Variants in MKLN1 observed in about 807,000 individuals in gnomAD.
MKLN1 encodes the protein muskelin.
Under a neutral mutation model 99.0 loss-of-function variants are expected in MKLN1, and 18 were observed. The observed-to-expected ratio is 0.18, with a 90% CI of 0.13 to 0.27. The LOEUF is 0.27. Ranked by LOEUF, MKLN1 falls within the 10% of genes least tolerant of loss-of-function variation. The probability of loss-of-function intolerance (pLI) is 1.00; values close to 1 mark genes in which losing one functional copy is unlikely to be tolerated. For missense variants in MKLN1, 621 were observed against 875.9 expected (o/e 0.71, Z 3.67); for synonymous variants, 288 against 293.2 (o/e 0.98, Z 0.18).
chr7:131,403,824 T>C (rs1237178653), intron 6 of MKLN1, among the ~76,000 whole-genome samples: 1 of 152,112 alleles, frequency 6.6e-6, no homozygotes, highest in Non-Finnish European at 1.5e-5. Context: ...CTGTAACAGA[T>C]ATGACAGTAA....
chr7:131,318,787 C>T (rs1798717537), intron 3 of MKLN1, among the ~76,000 whole-genome samples: 1 of 152,258 alleles, frequency 6.6e-6, no homozygotes, highest in African/African-American at 2.4e-5. Context: ...CACAGAAATA[C>T]AAACTACCAT....
chr7:131,190,487 A>G (rs546492422), intron 2 of MKLN1, among the ~76,000 whole-genome samples: 1 of 151,960 alleles, frequency 6.6e-6, no homozygotes, highest in South Asian at 2.1e-4. Context: ...TAAAGAGCCC[A>G]GTAGCTGGGA....
In MKLN1 at chr7:131,489,713, T is replaced by TG. The variant is rs1291088680; in HGVS notation, c.*1985_*1986insG. 6.6e-6 allele frequency: 1 copy of TG among 152,126 alleles called. No individual in the cohort carries two copies. The highest frequency in any genetic ancestry group is 1.5e-5 in the Non-Finnish European group (1 of 68,002). 9.4% of individuals were successfully genotyped at this position (152,126 alleles called of 1,614,324 possible). On this transcript the variant is annotated 3_prime_UTR_variant, in exon 18 of 18. Coordinates refer to ENST00000352689, the MANE Select transcript of MKLN1 (RefSeq NM_013255.5). ...CATTTATTTTTACAGTGCTTTGTAA[T>TG]TTTTTTCATCAGTTCCTTAAATGTT...
chr7:131,266,173 CAAAAAA>C (rs35332093), intron 3 of MKLN1, among the ~76,000 whole-genome samples: 8 of 86,572 alleles, frequency 9.2e-5, no homozygotes, highest in Admixed American at 4.5e-4. Context: ...GACTGCATCT[CAAAAAA>C]AAAAAAAAAA....
At chr7:131,180,256 C>A (rs992798343) in intron 2 of MKLN1, among the ~76,000 whole-genome samples, 2 of 152,176 alleles carry the variant, frequency 1.3e-5, no homozygotes, top group Non-Finnish European at 1.5e-5. Flanking sequence ...CCAAATTATA[C>A]CTTCCCCTTC....
rs150632750 is a variant in MKLN1, at chr7:131,356,464, A to G, written c.99-18960A>G. Among the ~76,000 whole-genome samples, 648 of 152,116 alleles carry G rather than the reference A, an allele frequency of 4.3e-3. 1 individual carries two copies. The highest frequency in any genetic ancestry group is 7.0e-3 in the Non-Finnish European group (473 of 67,984). Reference sequence around the variant, plus strand: ...TCCCCCCCCAAGAGTCCAAGACCCCAAATCTTTGGGGTTAAATGGACGAAG... The same window carrying G: ...TCCCCCCCCAAGAGTCCAAGACCCCGAATCTTTGGGGTTAAATGGACGAAG... On this transcript the variant is annotated intron_variant, in intron 1 of 17. Transcript: ENST00000352689.
chr7:131,336,626 A>AC (rs1563299093), intron 1 of MKLN1, among the ~76,000 whole-genome samples: 1 of 152,120 alleles, frequency 6.6e-6, no homozygotes, highest in African/African-American at 2.4e-5. Flanking sequence ...ACGCTAGATC[A>AC]CCACAAGCTT....
intron 2 of MKLN1, among the ~76,000 whole-genome samples, chr7:131,179,892 A>T (rs947849671): frequency 2.0e-5 from 3 of 151,246 alleles, no homozygotes; most frequent in African/African-American, 4.9e-5. Context: ...TATTTCTAAC[A>T]TTTATTTTTT....
rs1175959530 is a variant in MKLN1, at chr7:131,142,942, G to GT, written c.-297+2dup. 1 of 1,304,972 alleles carries GT rather than the reference G, an allele frequency of 7.7e-7. No homozygotes were observed. Among genetic ancestry groups the GT allele is most frequent in the African/African-American group, 1.5e-5 (1 of 65,822 alleles). The allele number at this position is 1,304,972 out of a possible 1,614,324, so 80.8% of individuals were successfully genotyped here. On this transcript the variant is annotated splice_donor_variant, in intron 2 of 7. Coordinates refer to the MKLN1 transcript ENST00000416992. LOFTEE classifies it low-confidence loss of function (5UTR_SPLICE). The stretch of plus-strand genomic sequence containing the variant: ...TTGAAAACATGGGGATTGGAATTCG[G>GT]TAAGTGTTGATGTTTTAGTTTTTTC...
intron 8 of MKLN1, among the ~76,000 whole-genome samples, chr7:131,425,246 T>C (rs183348297): frequency 1.8e-4 from 27 of 152,310 alleles, no homozygotes; most frequent in Admixed American, 5.2e-4. Flanking sequence ...CGTGTTTTTC[T>C]GTCTCTATAC....
chr7:131,150,255 C>A (rs1305936663), intron 2 of MKLN1, among the ~76,000 whole-genome samples: 1 of 152,122 alleles, frequency 6.6e-6, no homozygotes, highest in Non-Finnish European at 1.5e-5. Context: ...TGACCTTGAG[C>A]AAGCAACTTA....
intron 4 of MKLN1, among the ~76,000 whole-genome samples, chr7:131,392,907 A>ATTTTT (rs761089064): frequency 7.0e-6 from 1 of 142,400 alleles, no homozygotes; most frequent in Admixed American, 7.0e-5. Context: ...GCCTGGCCTA[A>ATTTTT]TTTTTTTTTT....
intron 6 of MKLN1, among the ~76,000 whole-genome samples, chr7:131,401,961 T>G (rs748789600): frequency 6.6e-6 from 1 of 152,136 alleles, no homozygotes; most frequent in Non-Finnish European, 1.5e-5. Flanking sequence ...ATAAGGATGG[T>G]GATTGCTGAA....
intron 1 of MKLN1, among the ~76,000 whole-genome samples, chr7:131,364,594 T>C (rs969250650): frequency 6.6e-6 from 1 of 152,024 alleles, no homozygotes; most frequent in East Asian, 1.9e-4. Flanking sequence ...TACCCAGTAG[T>C]GATCTTTTCT....
chr7:131,304,271 T>G (rs995013180), intron 3 of MKLN1, among the ~76,000 whole-genome samples: 4 of 152,184 alleles, frequency 2.6e-5, no homozygotes. Flanking sequence ...CTCAGGAGGC[T>G]GAAGAGATAG....
intron 3 of MKLN1, among the ~76,000 whole-genome samples, chr7:131,307,223 G>A (rs557583818): frequency 3.3e-5 from 5 of 152,246 alleles, no homozygotes; most frequent in African/African-American, 7.2e-5. Flanking sequence ...AGAATCCTCC[G>A]CCTAGATTTC....
intron 3 of MKLN1, among the ~76,000 whole-genome samples, chr7:131,307,592 A>G (rs1798486619): frequency 1.3e-5 from 2 of 152,180 alleles, no homozygotes; most frequent in South Asian, 4.1e-4. Flanking sequence ...TGAGACATGG[A>G]GTCAAAGGAG....
At chr7:131,383,883 G>A (rs1793924596) in intron 2 of MKLN1, among the ~76,000 whole-genome samples, 1 of 152,134 alleles carries the variant, frequency 6.6e-6, no homozygotes, top group South Asian at 2.1e-4. Flanking sequence ...AGTTTATTGT[G>A]ACAGCATCCT....
intron 3 of MKLN1, among the ~76,000 whole-genome samples, chr7:131,237,478 C>T (rs778108917): frequency 4.9e-4 from 75 of 152,176 alleles, no homozygotes; most frequent in Non-Finnish European, 6.8e-4. Flanking sequence ...TTAGGATGTA[C>T]GTTAGAGCCA....
Sources: allele counts gnomAD v4.1 joint callset (sites outside exome capture counted in the v4.1 genomes callset), GRCh38; gene constraint gnomAD v4.1.1; transcripts MANE v1.5; gene names NCBI Gene and HGNC (gene_info 2026-07-23, HGNC 2026-07-21).